The following PDE4DIP variants were observed in gnomAD, a reference collection of about 807,000 sequenced individuals.
PDE4DIP encodes the protein phosphodiesterase 4D interacting protein.
PDE4DIP carries 59 observed loss-of-function variants against 221.4 expected under a neutral mutation model. That is an observed-to-expected ratio of 0.27 (90% CI 0.22 to 0.33). The LOEUF is 0.33. Among genes scored for constraint, PDE4DIP ranks in the 10% least tolerant of loss-of-function variants. PDE4DIP has a pLI of 1.00. For synonymous variants in PDE4DIP, 404 were observed against 815.9 expected (o/e 0.50, Z 8.60); for missense variants, 1,036 against 2,154.2 (o/e 0.48, Z 10.28).
At chr1:148,998,859 G>A (rs1258296851) in intron 23 of PDE4DIP, among the ~76,000 whole-genome samples, 4 of 150,506 alleles carry the variant, frequency 2.7e-5, no homozygotes, top group African/African-American at 9.8e-5. Context: ...TCCTGCCTCA[G>A]CCTGCCGAGT....
chr1:148,924,276 C>A (rs1553464264), intron 1 of PDE4DIP, among the ~76,000 whole-genome samples: 2 of 151,522 alleles, frequency 1.3e-5, no homozygotes, highest in Non-Finnish European at 3.0e-5. Flanking sequence ...TGATGTGGCA[C>A]CAAGAAGCAT....
chr1:148,815,540 T>C (rs1667539338), intron 1 of PDE4DIP, among the ~76,000 whole-genome samples: 1 of 55,710 alleles, frequency 1.8e-5, no homozygotes, highest in Non-Finnish European at 3.7e-5. Flanking sequence ...ACAGCAAGAC[T>C]CTGTCTCAAA....
intron 1 of PDE4DIP, among the ~76,000 whole-genome samples, chr1:148,846,444 CAAAAAAAAAAAAAAAAAAA>C (rs143812422): frequency 2.8e-4 from 1 of 3,534 alleles, no homozygotes; most frequent in Non-Finnish European, 4.4e-4. Flanking sequence ...AACTCCGCCT[CAAAAAAAAAAAAAAAAAAA>C]AAAAAAAAAA....
At chr1:149,032,051 T>C in exon 44 of PDE4DIP, 2 of 1,610,696 alleles carry the variant, frequency 1.2e-6, no homozygotes, top group Non-Finnish European at 1.7e-6. Flanking sequence ...GCAGGAAAGG[T>C]GGGCCTGTCC....
chr1:149,032,184 C>T lies in PDE4DIP; in HGVS notation c.*199C>T, dbSNP rs587606279. The T allele has an allele frequency of 3.9e-6, 4 of 1,023,424 alleles. No individual in the cohort carries two copies. In the East Asian group the frequency reaches 7.8e-5, roughly 20 times the overall value. 63.4% of individuals were successfully genotyped at this position (1,023,424 alleles called of 1,614,324 possible). A position where few individuals can be genotyped will look rare whatever the true frequency, so the allele number is the denominator to read the frequency against. On this transcript the variant is annotated 3_prime_UTR_variant, in exon 44 of 44. Coordinates refer to ENST00000369354, the Ensembl canonical transcript of PDE4DIP. ...GTGGAGCTGGGAGAAAGGCAGAAAG[C>T]CTTTCTGACGGCTATGGAATACGAT...
chr1:148,961,231 G>A (rs1974030), intron 6 of PDE4DIP, among the ~76,000 whole-genome samples: 1 of 152,116 alleles, frequency 6.6e-6, no homozygotes, highest in Non-Finnish European at 1.5e-5. Flanking sequence ...TCGCTTGAAC[G>A]CAGGAGGTGG....
intron 9 of PDE4DIP, among the ~76,000 whole-genome samples, chr1:148,963,922 A>T (rs1429123169): frequency 2.0e-5 from 3 of 148,162 alleles, no homozygotes; most frequent in African/African-American, 7.5e-5. Context: ...ACGCCCGGCT[A>T]ATTTTTTTTG....
In PDE4DIP at chr1:149,013,174, G is replaced by A. The variant is rs587759642; in HGVS notation, c.5266+398G>A. On this transcript the variant is annotated intron_variant, in intron 32 of 43. Coordinates refer to ENST00000369354, the Ensembl canonical transcript of PDE4DIP. ...CCACATTCAGTGGGCTCCTTTGTGT[G>A]GCTATTATGTTTTTCTGCTGTGAAA... 8.0e-3 allele frequency among the ~76,000 whole-genome samples: 1,220 copies of A among 152,344 alleles called. 21 individuals carry two copies. The highest frequency in any genetic ancestry group is 0.028 in the African/African-American group (1,152 of 41,570).
At position 149,005,525 on chromosome 1, in the gene PDE4DIP, G is replaced by A. The variant is rs587729194; in HGVS notation, c.4415+88G>A. 3 of 1,049,520 alleles carry A rather than the reference G, an allele frequency of 2.9e-6. No individual in the cohort carries two copies. In the South Asian group the frequency reaches 4.8e-5, roughly 17 times the overall value. The allele number at this position is 1,049,520 out of a possible 1,614,324, so 65.0% of individuals were successfully genotyped here. A position where few individuals can be genotyped will look rare whatever the true frequency, so the allele number is the denominator to read the frequency against. ...GGGTAGCTCAGGCAGTTGGAAGAAAGAACATGTCTGGGTATTCACAGGGAC... is the reference window on the plus strand; with the variant it reads ...GGGTAGCTCAGGCAGTTGGAAGAAAAAACATGTCTGGGTATTCACAGGGAC... On this transcript the variant is annotated intron_variant, in intron 27 of 43. Transcript: ENST00000369354.
rs1329091458 is a variant in PDE4DIP, at chr1:148,820,936, C to G, written c.233+12199C>G. Among the ~76,000 whole-genome samples the G allele has an allele frequency of 2.7e-4, 40 of 149,242 alleles. 1 individual carries two copies. The highest frequency in any genetic ancestry group is 4.0e-4 in the Non-Finnish European group (27 of 67,316). On this transcript the variant is annotated intron_variant, in intron 1 of 45. Transcript: ENST00000524974. ...GGCGATCTCGGCTCACTGCAGGCTCCGCCCCCTGGGGTTCACGCCATTGTC... is the reference window on the plus strand; with the variant it reads ...GGCGATCTCGGCTCACTGCAGGCTCGGCCCCCTGGGGTTCACGCCATTGTC...
At chr1:149,021,353 G>A (rs79387703) in intron 37 of PDE4DIP, 200 bp downstream of exon 40, 33,695 of 546,712 alleles carry the variant, frequency 0.062, 671 homozygotes, top group East Asian at 0.36. Context: ...AGCAAGATCC[G>A]GCCTGATCAT....
chr1:149,027,275 C>G, intron 39 of PDE4DIP, 126 bp from the exon 43 acceptor site: 1 of 571,072 alleles, frequency 1.8e-6, no homozygotes, highest in Non-Finnish European at 3.2e-6. Flanking sequence ...TGTACATTCC[C>G]AGGCTTCCTT....
rs1238576662 is a variant in PDE4DIP, at chr1:148,864,303, C to T, written c.289+998C>T. Reference sequence around the variant, plus strand: ...AAATGGGTATAATGATAATGTTAATCTCATAGGTGAGATTGAGAAAAGCTT... The same window carrying T: ...AAATGGGTATAATGATAATGTTAATTTCATAGGTGAGATTGAGAAAAGCTT... On this transcript the variant is annotated intron_variant, in intron 2 of 45. Coordinates refer to the PDE4DIP transcript ENST00000524974. Among the ~76,000 whole-genome samples, 8 of 135,872 alleles carry T rather than the reference C, an allele frequency of 5.9e-5. 1 individual carries two copies. The highest frequency in any genetic ancestry group is 2.1e-4 in the African/African-American group (7 of 32,590). 89.1% of individuals were successfully genotyped at this position (135,872 alleles called of 152,430 possible).
chr1:148,937,369 G>A (rs2049436973), intron 4 of PDE4DIP, among the ~76,000 whole-genome samples: 1 of 152,088 alleles, frequency 6.6e-6, no homozygotes, highest in South Asian at 2.1e-4. Context: ...CATATTTCCA[G>A]TACTTGGTAG....
At chr1:148,946,357 T>C in intron 5 of PDE4DIP, among the ~76,000 whole-genome samples, 1 of 137,412 alleles carries the variant, frequency 7.3e-6, no homozygotes, top group South Asian at 2.6e-4. Flanking sequence ...AAACCTCATC[T>C]CTATTGAAAA....
chr1:148,960,076 A>G (rs1372758502), intron 5 of PDE4DIP, among the ~76,000 whole-genome samples: 2 of 152,298 alleles, frequency 1.3e-5, no homozygotes, highest in Non-Finnish European at 2.9e-5. Context: ...CTAAATACTT[A>G]AGCATTATTT....
chr1:148,961,029 C>T (rs1237881147), intron 6 of PDE4DIP, among the ~76,000 whole-genome samples: 2 of 152,022 alleles, frequency 1.3e-5, no homozygotes, highest in Admixed American at 6.6e-5. Flanking sequence ...GCATGCAGGC[C>T]GGCGCAGTGG....
At chr1:149,013,781 CTTTT>C (rs71582768) in intron 32 of PDE4DIP, among the ~76,000 whole-genome samples, 3 of 31,942 alleles carry the variant, frequency 9.4e-5, no homozygotes, top group African/African-American at 3.1e-4. Flanking sequence ...CCTTCTTCCT[CTTTT>C]TTTTTTTTTT....
chr1:148,946,135 G>A (rs1297513240), intron 5 of PDE4DIP, among the ~76,000 whole-genome samples: 14 of 152,224 alleles, frequency 9.2e-5, no homozygotes, highest in African/African-American at 3.1e-4. Context: ...TCTTTGCAGT[G>A]GGCTTAGAAT....
Sources: gnomAD v4.1 joint callset for allele counts (sites outside exome capture counted in the v4.1 genomes callset) on GRCh38, gnomAD v4.1.1 for gene constraint, MANE v1.5 for transcripts, NCBI Gene and HGNC (gene_info 2026-07-23, HGNC 2026-07-21) for gene names.